Variants in TRPV5 observed in about 807,000 individuals in gnomAD.
TRPV5 encodes the protein calcium transport protein 2.
A neutral mutation model predicts 74.1 loss-of-function variants in TRPV5; 66 were observed. The observed-to-expected ratio is 0.89, with a 90% confidence interval of 0.73 to 1.09. TRPV5 has a LOEUF of 1.09. Among genes scored for constraint, TRPV5 ranks in the 50% least tolerant of loss-of-function variants. The pLI, the probability that TRPV5 is intolerant of heterozygous loss-of-function variation, is 0.00. For synonymous variants in TRPV5, 399 were observed against 360.7 expected, an observed-to-expected ratio of 1.11 and a Z score of -1.20; for missense variants, 936 against 930.4, an observed-to-expected ratio of 1.01 and a Z score of -0.08.
chr7:142,922,197 T>C (rs1452641458), intron 8 of TRPV5, among the ~76,000 whole-genome samples: 1 of 152,214 alleles, frequency 6.6e-6, no homozygotes, highest in Non-Finnish European at 1.5e-5. Context: ...CCATGGCTGT[T>C]GAATTTCCAA....
intron 8 of TRPV5, among the ~76,000 whole-genome samples, chr7:142,919,436 G>A (rs1393770539): frequency 6.6e-6 from 1 of 152,170 alleles, no homozygotes; most frequent in Non-Finnish European, 1.5e-5. Context: ...AGGAAGCGGG[G>A]ATGGAGAGAC....
Position 142,912,615 on chromosome 7 carries a change from G to C in TRPV5, c.1655C>G (p.Pro552Arg). Reference protein sequence around the residue: ...DAPANYDVDLPFMFSIVNFAF... With the variant: ...DAPANYDVDLRFMFSIVNFAF... Reference sequence around the variant, plus strand: ...GAAGTTGACAATGCTGAACATGAAGGGCAAGTCCACGTCGTAGTTGGCAGG... The same window carrying C: ...GAAGTTGACAATGCTGAACATGAAGCGCAAGTCCACGTCGTAGTTGGCAGG... The change falls in exon 13 of 15, where the codon CCC (proline) becomes CGC (arginine). Residue 552 changes from proline to arginine, a missense_variant. Physicochemically the swap from Pro to Arg is moderately radical, Grantham distance 103. Transcript: ENST00000265310. The C allele has an allele frequency of 6.2e-7, 1 of 1,614,212 alleles. No individual in the cohort carries two copies. The highest frequency in any genetic ancestry group is 8.5e-7 in the Non-Finnish European group (1 of 1,180,044).
At chr7:142,910,304 G>T (rs1314191115) in intron 13 of TRPV5, among the ~76,000 whole-genome samples, 1 of 152,190 alleles carries the variant, frequency 6.6e-6, no homozygotes, top group Non-Finnish European at 1.5e-5. Context: ...CATTTAGGAA[G>T]CTTAGATAAG....
chr7:142,923,048 C>T (rs4252535), intron 8 of TRPV5, among the ~76,000 whole-genome samples: 5,477 of 152,184 alleles, frequency 0.036, 140 homozygotes, highest in Non-Finnish European at 0.057. Flanking sequence ...TTATAAAATG[C>T]CAGATATTAA....
rs1391330214 is a variant in TRPV5, at chr7:142,925,751, A to G, written c.910-10T>C. 1.2e-6 allele frequency: 2 copies of G among 1,611,864 alleles called. No homozygotes were observed. Among genetic ancestry groups the G allele is most frequent in the African/African-American group, 2.7e-5 (2 of 74,820 alleles). ...CCAGAATTTGGCGAGCCTGGCATGG[A>G]AGTAGAGTGAAACTTGGGGTGACCA... On this transcript the variant is annotated splice_polypyrimidine_tract_variant and intron_variant, in intron 7 of 14. Transcript: ENST00000265310.
intron 7 of TRPV5, 83 bp downstream of exon 7, chr7:142,928,005 C>T: frequency 6.4e-7 from 1 of 1,565,222 alleles, no homozygotes; most frequent in South Asian, 1.1e-5. Context: ...TGTCTCAGGC[C>T]CAGGATCTTA....
chr7:142,926,062 G>A (rs1795984642), intron 7 of TRPV5, among the ~76,000 whole-genome samples: 1 of 152,184 alleles, frequency 6.6e-6, no homozygotes, highest in South Asian at 2.1e-4. Context: ...GGTCTGAGAA[G>A]CCATTGCCCA....
In TRPV5 at chr7:142,912,569, T is replaced by A. The variant is rs752732341; in HGVS notation, c.1701A>T (p.Thr567=). The change falls in exon 13 of 15, where the codon ACA becomes ACT. Residue 567 remains threonine, a synonymous_variant. Coordinates refer to ENST00000265310, the MANE Select transcript of TRPV5 (RefSeq NM_019841.7). ...IVNFAFTIIA[T]LLMLNLFIAM... is the part of the protein sequence containing the mutation. ...CGATGAACAAGTTGAGCATGAGCAG[T>A]GTGGCAATGATGGTGAAGGCGAAGT... is the stretch of plus-strand genomic sequence containing the variant. 6.2e-7 allele frequency: 1 copy of A among 1,614,066 alleles called. No homozygotes were observed.
chr7:142,912,969 T>A (rs1395708276), intron 12 of TRPV5, among the ~76,000 whole-genome samples: 2 of 152,174 alleles, frequency 1.3e-5, no homozygotes, highest in African/African-American at 2.4e-5. Context: ...GTCCTATGAT[T>A]AAGTTCACCA....
chr7:142,919,618 T>A (rs1181240760), intron 8 of TRPV5, among the ~76,000 whole-genome samples: 1 of 152,218 alleles, frequency 6.6e-6, no homozygotes, highest in Non-Finnish European at 1.5e-5. Context: ...AATTTTTTAC[T>A]CCACAACATG....
At chr7:142,923,605 G>C (rs962542484) in intron 8 of TRPV5, among the ~76,000 whole-genome samples, 1 of 152,096 alleles carries the variant, frequency 6.6e-6, no homozygotes, top group African/African-American at 2.4e-5. Flanking sequence ...TTGAGCTGAA[G>C]TGGCTTTCAC....
rs4252431 is a variant in TRPV5, at chr7:142,926,117, A to T, written c.910-376T>A. Among the ~76,000 whole-genome samples, 287 of 152,230 alleles carry T rather than the reference A, an allele frequency of 1.9e-3. 1 individual carries two copies. Among genetic ancestry groups the T allele is most frequent in the African/African-American group, 6.5e-3 (271 of 41,534 alleles). The stretch of plus-strand genomic sequence containing the variant: ...TGGGGAGAGGGGAGAATCTATTGGG[A>T]GTGGTAGTCAGAAATGATAATGACT... On this transcript the variant is annotated intron_variant, in intron 7 of 14. Transcript: ENST00000265310.
Position 142,915,397 on chromosome 7 carries a change from G to T in TRPV5, c.1210-14C>A. 1 of 1,607,836 alleles carries T rather than the reference G, an allele frequency of 6.2e-7. No individual in the cohort carries two copies. The highest frequency in any genetic ancestry group is 2.2e-5 in the East Asian group (1 of 44,850). ...GATGTCTGGAATCTGGGGAGAGGAC[G>T]GCAAAGCAAAAATACAATGTGGACT... On this transcript the variant is annotated splice_polypyrimidine_tract_variant and intron_variant, in intron 9 of 14. Coordinates refer to ENST00000265310, the MANE Select transcript of TRPV5 (RefSeq NM_019841.7).
chr7:142,924,218 GTATATATATACATATA>G (rs1300947035), intron 8 of TRPV5, among the ~76,000 whole-genome samples: 12 of 136,542 alleles, frequency 8.8e-5, no homozygotes, highest in Non-Finnish European at 1.1e-4. Context: ...ATGACACACT[GTATATATATACATATA>G]TATATATATA....
chr7:142,933,063 C>G (rs1482207483), intron 1 of TRPV5, among the ~76,000 whole-genome samples: 1 of 152,184 alleles, frequency 6.6e-6, no homozygotes, highest in African/African-American at 2.4e-5. Context: ...CCTTTTTGGT[C>G]CTTTCACTCC....
At chr7:142,912,841 T>G (rs1252741873) in intron 12 of TRPV5, 91 bp from the exon 13 acceptor site, 2 of 760,784 alleles carry the variant, frequency 2.6e-6, no homozygotes, top group Middle Eastern at 3.8e-4. Flanking sequence ...ATCTCTGATC[T>G]ATCTATCTAT....
intron 4 of TRPV5, 140 bp from the exon 5 acceptor site, chr7:142,929,260 G>A: frequency 2.0e-6 from 3 of 1,473,474 alleles, no homozygotes; most frequent in East Asian, 2.4e-5. Flanking sequence ...AGAACCAGAG[G>A]AAGGAACCAT....
chr7:142,928,346 G>T (rs1796024329), intron 6 of TRPV5, 112 bp from the exon 7 acceptor site: 7 of 1,181,406 alleles, frequency 5.9e-6, no homozygotes, highest in South Asian at 1.3e-5. Flanking sequence ...CAGACAGTGG[G>T]AACCAGCAAA....
chr7:142,918,474 C>A (rs1795832720), intron 8 of TRPV5, among the ~76,000 whole-genome samples: 1 of 152,212 alleles, frequency 6.6e-6, no homozygotes, highest in Non-Finnish European at 1.5e-5. Flanking sequence ...TCAACCCACC[C>A]CGCACAATGC....
Sources: gnomAD v4.1 joint callset for allele counts (sites outside exome capture counted in the v4.1 genomes callset) on GRCh38, gnomAD v4.1.1 for gene constraint, MANE v1.5 for transcripts, NCBI Gene and HGNC (gene_info 2026-07-23, HGNC 2026-07-21) for gene names.